The following TMEM135 variants were observed in gnomAD, a reference collection of about 807,000 sequenced individuals.
TMEM135 encodes transmembrane protein 135.
A neutral mutation model predicts 60.3 loss-of-function variants in TMEM135; 30 were observed. The ratio of observed to expected loss-of-function variants is 0.50; its 90% confidence interval spans 0.37 to 0.68. TMEM135 has a LOEUF of 0.68. Among genes scored for constraint, TMEM135 ranks in the 30% least tolerant of loss-of-function variants. The probability of loss-of-function intolerance (pLI) is 0.00; values close to 1 mark genes in which losing one functional copy is unlikely to be tolerated. For synonymous variants in TMEM135, 190 were observed against 186.7 expected, an observed-to-expected ratio of 1.02 and a Z score of -0.14; for missense variants, 468 against 548.8, an observed-to-expected ratio of 0.85 and a Z score of 1.47.
chr11:87,128,631 T>C (rs1937806750), intron 4 of TMEM135, among the ~76,000 whole-genome samples: 1 of 152,184 alleles, frequency 6.6e-6, no homozygotes, highest in Non-Finnish European at 1.5e-5. Flanking sequence ...AAAATACTAG[T>C]AGGAAATGAA....
chr11:87,181,447 A>C (rs1007016920), intron 5 of TMEM135, among the ~76,000 whole-genome samples: 1 of 152,210 alleles, frequency 6.6e-6, no homozygotes, highest in Non-Finnish European at 1.5e-5. Context: ...CTTTGGTGAA[A>C]GACACATTTA....
In TMEM135 at chr11:87,328,774, A is replaced by G. The variant is rs1190830276; in HGVS notation, c.*7441A>G. On this transcript the variant is annotated 3_prime_UTR_variant, in exon 15 of 15. Coordinates refer to ENST00000305494, the MANE Select transcript of TMEM135 (RefSeq NM_022918.4). ...CTATGGGCACTTTGGTTGATTCTGT[A>G]TCTTTGCAATTGTGAACTGTGTTAA... 4 of 453,954 alleles carry G rather than the reference A, an allele frequency of 8.8e-6. No individual in the cohort carries two copies. The highest frequency in any genetic ancestry group is 1.8e-5 in the Non-Finnish European group (4 of 226,786). 28.1% of individuals were successfully genotyped at this position (453,954 alleles called of 1,614,324 possible).
At chr11:87,117,592 G>A (rs531807327) in intron 4 of TMEM135, among the ~76,000 whole-genome samples, 1 of 152,216 alleles carries the variant, frequency 6.6e-6, no homozygotes, top group Non-Finnish European at 1.5e-5. Flanking sequence ...CTCCTGATCT[G>A]TTCAAGATTT....
intron 3 of TMEM135, among the ~76,000 whole-genome samples, chr11:87,084,042 G>A (rs1360325938): frequency 2.0e-5 from 3 of 151,622 alleles, no homozygotes; most frequent in South Asian, 2.1e-4. Context: ...ATTCCCCAGC[G>A]GCCTCTTGTG....
At chr11:87,319,021 A>G (rs1054336787) in intron 13 of TMEM135, 4 of 320,566 alleles carry the variant, frequency 1.2e-5, no homozygotes, top group Admixed American at 9.1e-5. Flanking sequence ...GGCATGCACC[A>G]CCACGCCTGG....
At chr11:87,263,034 A>G (rs1269698351) in intron 6 of TMEM135, among the ~76,000 whole-genome samples, 1 of 151,334 alleles carries the variant, frequency 6.6e-6, no homozygotes, top group African/African-American at 2.4e-5. Context: ...TTTTTGTTTT[A>G]TGTAATATGT....
chr11:87,296,534 T>C (rs1439718773), intron 7 of TMEM135, among the ~76,000 whole-genome samples: 1 of 152,152 alleles, frequency 6.6e-6, no homozygotes, highest in African/African-American at 2.4e-5. Flanking sequence ...ATATAGTAGA[T>C]GCTTGGTGAA....
At chr11:87,124,370 C>T (rs1024278398) in intron 4 of TMEM135, among the ~76,000 whole-genome samples, 1 of 152,136 alleles carries the variant, frequency 6.6e-6, no homozygotes, top group Non-Finnish European at 1.5e-5. Context: ...TCCACCTTGC[C>T]TTTAACCTCA....
At chr11:87,139,457 T>G (rs924326668) in intron 4 of TMEM135, among the ~76,000 whole-genome samples, 1 of 152,190 alleles carries the variant, frequency 6.6e-6, no homozygotes, top group African/African-American at 2.4e-5. Flanking sequence ...TCTCTTCCCA[T>G]GTCCTAGATC....
At chr11:87,302,807 A>G (rs79490987) in intron 8 of TMEM135, among the ~76,000 whole-genome samples, 4,946 of 152,330 alleles carry the variant, frequency 0.032, 131 homozygotes, top group Non-Finnish European at 0.053. Context: ...AGATTGAAGA[A>G]GATTAAGGAA....
At chr11:87,115,415 G>T (rs1857855397) in intron 4 of TMEM135, among the ~76,000 whole-genome samples, 1 of 152,034 alleles carries the variant, frequency 6.6e-6, no homozygotes, top group Admixed American at 6.5e-5. Context: ...GTAAAATAAA[G>T]TGATTTTATT....
At chr11:87,296,307 C>A (rs1023097823) in intron 7 of TMEM135, among the ~76,000 whole-genome samples, 1 of 152,112 alleles carries the variant, frequency 6.6e-6, no homozygotes, top group Non-Finnish European at 1.5e-5. Context: ...TGTTCGTTAG[C>A]ATTAGCATTA....
At chr11:87,214,308 C>G (rs899249288) in intron 5 of TMEM135, among the ~76,000 whole-genome samples, 1 of 152,170 alleles carries the variant, frequency 6.6e-6, no homozygotes, top group Non-Finnish European at 1.5e-5. Context: ...TCTCCTGGTA[C>G]CTTGCCAGTG....
At chr11:87,159,617 A>ACACACACACACACACACCC (rs140303858) in intron 5 of TMEM135, among the ~76,000 whole-genome samples, 8 of 149,344 alleles carry the variant, frequency 5.4e-5, no homozygotes, top group South Asian at 2.1e-4. Context: ...ACACACACAC[A>ACACACACACACACACACCC]CCATAGATTT....
intron 4 of TMEM135, among the ~76,000 whole-genome samples, chr11:87,150,015 A>C (rs1281440322): frequency 6.6e-6 from 1 of 152,068 alleles, no homozygotes; most frequent in African/African-American, 2.4e-5. Context: ...GTCAAGAGTT[A>C]GCGACCAGCC....
chr11:87,278,742 T>A (rs1324960309), intron 6 of TMEM135, among the ~76,000 whole-genome samples: 1 of 152,202 alleles, frequency 6.6e-6, no homozygotes, highest in Non-Finnish European at 1.5e-5. Context: ...GAGTATACTC[T>A]ATGAGTTCTA....
At chr11:87,253,498 G>A (rs1181206422) in intron 6 of TMEM135, among the ~76,000 whole-genome samples, 1 of 151,722 alleles carries the variant, frequency 6.6e-6, no homozygotes, top group Non-Finnish European at 1.5e-5. Flanking sequence ...TTAAATCAGT[G>A]GAAAACTCAC....
At chr11:87,152,800 T>C (rs12786700) in intron 4 of TMEM135, among the ~76,000 whole-genome samples, 1 of 152,192 alleles carries the variant, frequency 6.6e-6, no homozygotes, top group Non-Finnish European at 1.5e-5. Flanking sequence ...TTATATGTTG[T>C]TATTTCCTAT....
intron 4 of TMEM135, among the ~76,000 whole-genome samples, chr11:87,155,659 A>G (rs1938675990): frequency 6.6e-6 from 1 of 152,142 alleles, no homozygotes; most frequent in African/African-American, 2.4e-5. Context: ...TAGAGTTTTG[A>G]AGGCTTTTGG....
Sources: allele counts gnomAD v4.1 joint callset (sites outside exome capture counted in the v4.1 genomes callset), GRCh38; gene constraint gnomAD v4.1.1; transcripts MANE v1.5; gene names NCBI Gene and HGNC (gene_info 2026-07-23, HGNC 2026-07-21).